The following MALRD1 variants were observed in gnomAD, a reference collection of about 807,000 sequenced individuals.
MALRD1 encodes the protein MAM and LDL receptor class A domain containing 1.
Under a neutral mutation model 242.1 loss-of-function variants are expected in MALRD1, and 247 were observed. The ratio of observed to expected loss-of-function variants is 1.02; its 90% CI spans 0.92 to 1.13. The LOEUF (loss-of-function observed/expected upper bound fraction) is 1.13. Among genes scored for constraint, MALRD1 ranks in the 50% most tolerant of loss-of-function variants. The probability of loss-of-function intolerance (pLI) is 0.00; values close to 1 mark genes in which losing one functional copy is unlikely to be tolerated. For missense variants in MALRD1, 2,989 were observed against 2,533.1 expected (o/e 1.18, Z -3.86); for synonymous variants, 995 against 866.6 (o/e 1.15, Z -2.60).
intron 7 of MALRD1, among the ~76,000 whole-genome samples, chr10:19,125,418 C>T (rs1451897881): frequency 8.2e-6 from 1 of 122,272 alleles, no homozygotes; most frequent in Non-Finnish European, 1.7e-5. Flanking sequence ...TGCTTCCTTC[C>T]TTCCTTCTTT....
chr10:19,165,214 G>T (rs1401951045), intron 12 of MALRD1, among the ~76,000 whole-genome samples: 1 of 117,578 alleles, frequency 8.5e-6, no homozygotes, highest in African/African-American at 3.7e-5. Context: ...GAATTGAGAA[G>T]ATTATATTTA....
intron 29 of MALRD1, among the ~76,000 whole-genome samples, chr10:19,485,371 C>G (rs948719760): frequency 6.6e-6 from 1 of 152,106 alleles, no homozygotes; most frequent in Non-Finnish European, 1.5e-5. Flanking sequence ...AGGCCGGGCA[C>G]GGTGGCTCAC....
intron 29 of MALRD1, among the ~76,000 whole-genome samples, chr10:19,487,434 CATCACTTT>C (rs1277922533): frequency 2.0e-4 from 31 of 151,338 alleles, no homozygotes; most frequent in African/African-American, 7.3e-4. Flanking sequence ...CAGTTCAGAG[CATCACTTT>C]ATTTCTCTTC....
intron 21 of MALRD1, among the ~76,000 whole-genome samples, chr10:19,308,491 G>T (rs922120029): frequency 1.3e-5 from 2 of 151,558 alleles, no homozygotes; most frequent in African/African-American, 4.8e-5. Flanking sequence ...GAGTGAGGAG[G>T]ATAAACTTGG....
At chr10:19,056,308 T>C (rs1834665315) in intron 1 of MALRD1, among the ~76,000 whole-genome samples, 1 of 152,062 alleles carries the variant, frequency 6.6e-6, no homozygotes, top group African/African-American at 2.4e-5. Flanking sequence ...AATATTAATT[T>C]TTTAAGTCCA....
intron 2 of MALRD1, among the ~76,000 whole-genome samples, chr10:19,070,542 T>G (rs950076865): frequency 5.3e-5 from 8 of 152,114 alleles, no homozygotes; most frequent in African/African-American, 1.9e-4. Flanking sequence ...GTTGTTTTAG[T>G]TTAAAAAAGT....
At chr10:19,454,292 A>C (rs1454770909) in intron 29 of MALRD1, among the ~76,000 whole-genome samples, 1 of 151,472 alleles carries the variant, frequency 6.6e-6, no homozygotes, top group African/African-American at 2.4e-5. Context: ...ATTTATTTCT[A>C]TAAGGGGGAA....
intron 35 of MALRD1, among the ~76,000 whole-genome samples, chr10:19,615,407 A>G (rs1372311881): frequency 1.4e-5 from 2 of 147,640 alleles, no homozygotes; most frequent in Admixed American, 1.4e-4. Context: ...GGCCCCAGCT[A>G]TTCAAGGCTG....
At chr10:19,398,918 T>C (rs539580118) in intron 28 of MALRD1, among the ~76,000 whole-genome samples, 1 of 152,316 alleles carries the variant, frequency 6.6e-6, no homozygotes, top group South Asian at 2.1e-4. Context: ...CAAAGAGCTA[T>C]TTCAGCCAAC....
chr10:19,158,588 C>T (rs1588627975), intron 12 of MALRD1, among the ~76,000 whole-genome samples: 1 of 152,138 alleles, frequency 6.6e-6, no homozygotes, highest in Non-Finnish European at 1.5e-5. Flanking sequence ...AGACTTCTCC[C>T]AAGTGCTTGC....
intron 33 of MALRD1, among the ~76,000 whole-genome samples, chr10:19,569,743 T>C (rs1387456044): frequency 6.8e-6 from 1 of 147,250 alleles, no homozygotes; most frequent in South Asian, 2.1e-4. Context: ...ATGCAGTCCA[T>C]ATATAGAATT....
rs775473071 is a variant in MALRD1, at chr10:19,351,424, C to T, written c.4150-582C>T. On this transcript the variant is annotated intron_variant, in intron 25 of 39. Coordinates refer to ENST00000454679, the MANE Select transcript of MALRD1 (RefSeq NM_001142308.3). Reference sequence around the variant, plus strand: ...TCAAAGAAAAGCTCCGTGGGTTGCTCTGTGAAGGCCCATTTGTAGCATTTC... The same window carrying T: ...TCAAAGAAAAGCTCCGTGGGTTGCTTTGTGAAGGCCCATTTGTAGCATTTC... 2.9e-4 allele frequency among the ~76,000 whole-genome samples: 44 copies of T among 152,194 alleles called. 1 individual carries two copies. Among genetic ancestry groups the T allele is most frequent in the Admixed American group, 2.4e-3 (37 of 15,274 alleles).
intron 26 of MALRD1, among the ~76,000 whole-genome samples, chr10:19,385,407 T>C (rs1474862333): frequency 3.3e-5 from 5 of 152,056 alleles, no homozygotes; most frequent in Non-Finnish European, 7.4e-5. Flanking sequence ...TTGTTACCAC[T>C]TCAATCTCAT....
chr10:19,500,384 A>T (rs1022016668), intron 31 of MALRD1, among the ~76,000 whole-genome samples: 1 of 152,228 alleles, frequency 6.6e-6, no homozygotes, highest in Non-Finnish European at 1.5e-5. Context: ...GTAGATATTT[A>T]AAATAGTGGG....
intron 2 of MALRD1, among the ~76,000 whole-genome samples, chr10:19,086,518 A>G (rs905828218): frequency 6.6e-6 from 1 of 152,098 alleles, no homozygotes; most frequent in Non-Finnish European, 1.5e-5. Flanking sequence ...CTTCTAAACC[A>G]TGAGAGTCCA....
intron 28 of MALRD1, among the ~76,000 whole-genome samples, chr10:19,390,484 A>T (rs558428245): frequency 6.6e-6 from 1 of 152,336 alleles, no homozygotes; most frequent in East Asian, 1.9e-4. Context: ...GTGTTCAGGG[A>T]ACAAAATAAC....
intron 2 of MALRD1, 130 bp downstream of exon 2, chr10:19,066,989 A>G (rs72787427): frequency 0.14 from 81,805 of 585,362 alleles, 6,487 homozygotes; most frequent in Non-Finnish European, 0.17. Context: ...GGGAAGCAGA[A>G]TCTTGTCTGA....
chr10:19,660,022 G>A (rs1350467846), intron 36 of MALRD1, among the ~76,000 whole-genome samples: 4 of 152,074 alleles, frequency 2.6e-5, no homozygotes, highest in Non-Finnish European at 4.4e-5. Context: ...TCAGACAGTC[G>A]TCATATGCCC....
intron 36 of MALRD1, among the ~76,000 whole-genome samples, chr10:19,664,517 T>C (rs78284260): frequency 0.016 from 2,488 of 152,124 alleles, 29 homozygotes; most frequent in Admixed American, 0.025. Flanking sequence ...GTTAATTCAA[T>C]TTAATGGCCT....
Sources: allele counts gnomAD v4.1 joint callset (sites outside exome capture counted in the v4.1 genomes callset), GRCh38; gene constraint gnomAD v4.1.1; transcripts MANE v1.5; gene names NCBI Gene and HGNC (gene_info 2026-07-23, HGNC 2026-07-21).